GALNT18: variants seen among roughly 807,000 people sequenced by gnomAD.
GALNT18 encodes polypeptide N-acetylgalactosaminyltransferase 18.
A neutral mutation model predicts 69.5 loss-of-function variants in GALNT18; 44 were observed. The ratio of observed to expected loss-of-function variants is 0.63; its 90% CI spans 0.50 to 0.81. The LOEUF (loss-of-function observed/expected upper bound fraction) is 0.81, where lower values mean the gene tolerates loss of function less well. GALNT18 is among the 40% of genes least tolerant of loss of function. The probability of loss-of-function intolerance (pLI) is 0.00; values close to 1 mark genes in which losing one functional copy is unlikely to be tolerated. For synonymous variants in GALNT18, 364 were observed against 318.2 expected, an observed-to-expected ratio of 1.14 and a Z score of -1.53; for missense variants, 715 against 810.0, an observed-to-expected ratio of 0.88 and a Z score of 1.42.
Position 11,470,679 on chromosome 11 carries a change from G to T in GALNT18, c.236-21743C>A, listed in dbSNP as rs1206251980. On this transcript the variant is annotated intron_variant, in intron 1 of 10. Coordinates refer to ENST00000227756, the MANE Select transcript of GALNT18 (RefSeq NM_198516.3). The surrounding 1 kb of genome is among the most constrained non-coding windows in gnomAD (Gnocchi z 4.8). ...AGACCCCTTTCAGGCTCCACTAGCT[G>T]GGTCCCTTGGCAAATTCTCAGACCC... Among the ~76,000 whole-genome samples the T allele has an allele frequency of 1.3e-5, 2 of 152,092 alleles. No individual in the cohort carries two copies. The highest frequency in any genetic ancestry group is 2.4e-5 in the African/African-American group (1 of 41,406).
In GALNT18 at chr11:11,339,032, A is replaced by C. The variant is rs1850158818; in HGVS notation, c.1278+1787T>G. ...GACCTTGACAAAGCAGTCTTGATGA[A>C]GTATCAGGATATAGCTTGGGAGAAG... is the stretch of plus-strand genomic sequence containing the variant. On this transcript the variant is annotated intron_variant, in intron 7 of 10. Coordinates refer to ENST00000227756, the MANE Select transcript of GALNT18 (RefSeq NM_198516.3). This position sits in a 1 kb window ranked among gnomAD's most constrained non-coding sequence, Gnocchi z 5.2. 6.6e-6 allele frequency among the ~76,000 whole-genome samples: 1 copy of C among 152,216 alleles called. No homozygotes were observed. The highest frequency in any genetic ancestry group is 1.5e-5 in the Non-Finnish European group (1 of 68,050).
chr11:11,331,609 C>CA (rs1425189812), intron 8 of GALNT18, among the ~76,000 whole-genome samples: 1 of 152,088 alleles, frequency 6.6e-6, no homozygotes, highest in Non-Finnish European at 1.5e-5. Flanking sequence ...CTTGAGATAT[C>CA]AAAAAAGGTC....
At chr11:11,572,379 G>A (rs1372930030) in intron 1 of GALNT18, among the ~76,000 whole-genome samples, 1 of 152,246 alleles carries the variant, frequency 6.6e-6, no homozygotes, top group African/African-American at 2.4e-5. Flanking sequence ...ACCAGATGAA[G>A]CACTTTGCCT....
At chr11:11,346,957 C>T (rs1850314583) in intron 6 of GALNT18, among the ~76,000 whole-genome samples, 1 of 152,060 alleles carries the variant, frequency 6.6e-6, no homozygotes, top group Admixed American at 6.5e-5. Context: ...AATGATTCCC[C>T]AGGTTTAAAA....
At chr11:11,536,627 G>A (rs886424205) in intron 1 of GALNT18, among the ~76,000 whole-genome samples, 11 of 149,414 alleles carry the variant, frequency 7.4e-5, no homozygotes, top group Non-Finnish European at 1.5e-4. Flanking sequence ...TAGCAACTCC[G>A]TATCTTAGAA....
chr11:11,574,402 C>T (rs978318353), intron 1 of GALNT18, among the ~76,000 whole-genome samples: 1 of 152,178 alleles, frequency 6.6e-6, no homozygotes, highest in Non-Finnish European at 1.5e-5. Context: ...AACCATCTCC[C>T]TGGTCTGGAC....
At chr11:11,297,243 T>C (rs1849417692) in intron 9 of GALNT18, among the ~76,000 whole-genome samples, 2 of 152,110 alleles carry the variant, frequency 1.3e-5, no homozygotes, top group African/African-American at 2.4e-5. Context: ...ATACCCCAAC[T>C]TAAGGTATAA....
In GALNT18 at chr11:11,619,570, G is replaced by C. The variant is rs1383741188; in HGVS notation, c.235+1789C>G. On this transcript the variant is annotated intron_variant, in intron 1 of 10. Transcript: ENST00000227756. The surrounding 1 kb of genome is among the most constrained non-coding windows in gnomAD (Gnocchi z 4.9). ...TGCTCACCTCCTGCCTGACCAGAAA[G>C]AAAAGCACAAGAGAATCATTTTCCA... Among the ~76,000 whole-genome samples the C allele has an allele frequency of 6.6e-6, 1 of 152,054 alleles. No homozygotes were observed. Among genetic ancestry groups the C allele is most frequent in the Non-Finnish European group, 1.5e-5 (1 of 68,000 alleles).
chr11:11,447,345 G>A (rs1564953894), intron 2 of GALNT18, among the ~76,000 whole-genome samples: 1 of 151,910 alleles, frequency 6.6e-6, no homozygotes, highest in Non-Finnish European at 1.5e-5. Flanking sequence ...TGTCCCAGGT[G>A]TCTCTCTCTC....
At chr11:11,560,030 T>G (rs1258890879) in intron 1 of GALNT18, among the ~76,000 whole-genome samples, 1 of 145,236 alleles carries the variant, frequency 6.9e-6, no homozygotes, top group African/African-American at 2.6e-5. Context: ...TGGAATGGGA[T>G]AGGATAGGAT....
chr11:11,408,487 A>G (rs1400344449), intron 3 of GALNT18, among the ~76,000 whole-genome samples: 2 of 152,058 alleles, frequency 1.3e-5, no homozygotes, highest in Non-Finnish European at 2.9e-5. Context: ...GAAGAAGGTG[A>G]GTCGGGCAGA....
At chr11:11,554,312 G>C (rs1260656892) in intron 1 of GALNT18, among the ~76,000 whole-genome samples, 2 of 152,196 alleles carry the variant, frequency 1.3e-5, no homozygotes, top group East Asian at 3.9e-4. Flanking sequence ...GGCTCTGGAA[G>C]AAGCATTATC....
At chr11:11,478,022 G>A (rs1856440403) in intron 1 of GALNT18, among the ~76,000 whole-genome samples, 1 of 152,242 alleles carries the variant, frequency 6.6e-6, no homozygotes, top group East Asian at 1.9e-4. Flanking sequence ...TTTCCTGACT[G>A]TGGAGGGAGG....
At position 11,448,755 on chromosome 11, in the gene GALNT18, G is replaced by A. The variant is rs746932525; in HGVS notation, c.417C>T (p.Leu139=). 1 of 1,611,406 alleles carries A rather than the reference G, an allele frequency of 6.2e-7. No homozygotes were observed. Among genetic ancestry groups the A allele is most frequent in the Non-Finnish European group, 8.5e-7 (1 of 1,178,910 alleles). The change falls in exon 2 of 11, where the codon CTC becomes CTT. Residue 139 remains leucine, a synonymous_variant. Transcript: ENST00000227756. ...RLPLDRPLPD[L]RPSGCRNLSF... is the part of the protein sequence containing the mutation. ...CTGACTCTGCTCACCCACTGGGTCT[G>A]AGGTCAGGCAGGGGCCGGTCCAGGG...
At chr11:11,280,838 T>C (rs1347755545) in intron 10 of GALNT18, among the ~76,000 whole-genome samples, 1 of 152,178 alleles carries the variant, frequency 6.6e-6, no homozygotes, top group Non-Finnish European at 1.5e-5. Flanking sequence ...AGTTGTCCTC[T>C]CAAACTGTGG....
chr11:11,292,263 G>A (rs1849315403), intron 10 of GALNT18, among the ~76,000 whole-genome samples: 1 of 152,114 alleles, frequency 6.6e-6, no homozygotes, highest in Non-Finnish European at 1.5e-5. Flanking sequence ...GCTGAAAATG[G>A]ATCCTACCTT....
At chr11:11,519,376 G>C (rs1250181611) in intron 1 of GALNT18, among the ~76,000 whole-genome samples, 1 of 152,216 alleles carries the variant, frequency 6.6e-6, no homozygotes. Flanking sequence ...AGCCCAGCAA[G>C]AGCTGTGGCT....
At chr11:11,342,872 T>A (rs1283026348) in intron 6 of GALNT18, among the ~76,000 whole-genome samples, 2 of 152,210 alleles carry the variant, frequency 1.3e-5, no homozygotes, top group African/African-American at 2.4e-5. Context: ...TACCTATCTA[T>A]CTCAGAAGGT....
rs1589930962 is a variant in GALNT18 at position 11,353,289 on chromosome 11, G to T, written c.1093-12285C>A. 6 of 759,572 alleles carry T rather than the reference G, an allele frequency of 7.9e-6. No homozygotes were observed. In the East Asian group the frequency reaches 1.6e-4, roughly 21 times the overall value. 47.1% of individuals were successfully genotyped at this position (759,572 alleles called of 1,614,324 possible). A position where few individuals can be genotyped will look rare whatever the true frequency, so the allele number is the denominator to read the frequency against. On this transcript the variant is annotated intron_variant, in intron 6 of 10. Coordinates refer to ENST00000227756, the MANE Select transcript of GALNT18 (RefSeq NM_198516.3). The stretch of plus-strand genomic sequence containing the variant: ...CCCTTCTGCTCACACAGACAATATG[G>T]CGGCGATGGAGTGGGGAGCAATTTT...
Sources: allele counts gnomAD v4.1 joint callset (sites outside exome capture counted in the v4.1 genomes callset), GRCh38; gene constraint gnomAD v4.1.1; non-coding constraint Gnocchi (gnomAD v3.1); transcripts MANE v1.5; gene names NCBI Gene and HGNC (gene_info 2026-07-23, HGNC 2026-07-21).